NRG3: variants seen among roughly 807,000 people sequenced by gnomAD.
The protein encoded by NRG3 is neuregulin 3.
NRG3 carries 31 observed loss-of-function variants against 66.9 expected under a neutral mutation model. That is an observed-to-expected ratio of 0.46 (90% CI 0.35 to 0.63). The LOEUF (loss-of-function observed/expected upper bound fraction) is 0.63, where lower values mean the gene tolerates loss of function less well. Ranked by LOEUF, NRG3 falls within the 20% of genes least tolerant of loss-of-function variation. The pLI is 0.00. For synonymous variants in NRG3, 393 were observed against 359.4 expected, an observed-to-expected ratio of 1.09 and a Z score of -1.06; for missense variants, 910 against 878.9, an observed-to-expected ratio of 1.04 and a Z score of -0.45.
At chr10:82,276,342 C>T (rs1301225333) in intron 1 of NRG3, among the ~76,000 whole-genome samples, 3 of 151,902 alleles carry the variant, frequency 2.0e-5, no homozygotes, top group East Asian at 3.9e-4. Flanking sequence ...AATAAACTGG[C>T]TCTAAAATGT....
rs1163890425 is a variant in NRG3, at chr10:81,875,731, A to C, written c.391A>C (p.Thr131Pro). ...FPKAMETTTTTTSTTSPATPS... is the reference protein window; with the variant it reads ...FPKAMETTTTPTSTTSPATPS... ...CAAGGCCATGGAGACCACCACCACT[A>C]CCACTTCCACCACGTCCCCCGCCAC... The change falls in exon 1 of 9, where the codon ACC becomes CCC. Residue 131 changes from threonine to proline, a missense_variant. Thr to Pro is a conservative substitution (Grantham distance 38). Transcript: ENST00000372141. The surrounding 1 kb of genome is among the most constrained non-coding windows in gnomAD (Gnocchi z 5.3). 6.2e-7 allele frequency: 1 copy of C among 1,612,226 alleles called. No individual in the cohort carries two copies.
chr10:81,998,550 C>G (rs769743790), intron 1 of NRG3, among the ~76,000 whole-genome samples: 1 of 152,112 alleles, frequency 6.6e-6, no homozygotes, highest in Admixed American at 6.5e-5. Flanking sequence ...TTACTGAACA[C>G]TTCTCAGTCA....
At chr10:82,928,171 G>A (rs2132129852) in intron 4 of NRG3, among the ~76,000 whole-genome samples, 1 of 152,016 alleles carries the variant, frequency 6.6e-6, no homozygotes, top group African/African-American at 2.4e-5. Flanking sequence ...CATATCCTTT[G>A]CCTACTTTTT....
At chr10:81,945,525 A>G (rs1289880666) in intron 1 of NRG3, among the ~76,000 whole-genome samples, 1 of 152,164 alleles carries the variant, frequency 6.6e-6, no homozygotes, top group Non-Finnish European at 1.5e-5. Flanking sequence ...TTGGCATTTC[A>G]TAGAACACAT....
intron 2 of NRG3, among the ~76,000 whole-genome samples, chr10:82,719,529 G>C (rs1288386641): frequency 6.6e-6 from 1 of 152,138 alleles, no homozygotes; most frequent in East Asian, 1.9e-4. Flanking sequence ...CGGCTTTGAG[G>C]GGAGTTGGCC....
At chr10:82,751,181 A>G (rs919067426) in intron 3 of NRG3, among the ~76,000 whole-genome samples, 2 of 152,264 alleles carry the variant, frequency 1.3e-5, no homozygotes, top group African/African-American at 2.4e-5. Flanking sequence ...TCAGTGGTCA[A>G]TTATACTGGT....
intron 1 of NRG3, among the ~76,000 whole-genome samples, chr10:81,943,699 C>T (rs1848588127): frequency 6.6e-6 from 1 of 152,178 alleles, no homozygotes. Flanking sequence ...GGAAGAAAAA[C>T]ATTTCAGGCC....
rs187951849 is a variant in NRG3, at chr10:82,978,822, C to G, written c.1413-128C>G. On this transcript the variant is annotated intron_variant, in intron 7 of 8. Transcript: ENST00000372141. ...CACATATACTTCATTCAGGGATGGC[C>G]CTGGCCTAGAACTTTGAGAATTTGG... The G allele has an allele frequency of 3.3e-4, 296 of 893,222 alleles. No homozygotes were observed. In the African/African-American group the frequency reaches 4.3e-3, roughly 13 times the overall value. 55.3% of individuals were successfully genotyped at this position (893,222 alleles called of 1,614,324 possible).
chr10:82,801,953 G>T (rs1428245223), intron 3 of NRG3, among the ~76,000 whole-genome samples: 3 of 152,134 alleles, frequency 2.0e-5, no homozygotes, highest in Non-Finnish European at 4.4e-5. Flanking sequence ...TATGTGAGCT[G>T]CTTTGACCAG....
At chr10:82,682,209 C>T (rs2054153472) in intron 2 of NRG3, among the ~76,000 whole-genome samples, 1 of 152,176 alleles carries the variant, frequency 6.6e-6, no homozygotes, top group African/African-American at 2.4e-5. Context: ...TATTGTTTAT[C>T]AGGTACCCTT....
At chr10:82,276,349 A>G (rs915463998) in intron 1 of NRG3, among the ~76,000 whole-genome samples, 1 of 152,020 alleles carries the variant, frequency 6.6e-6, no homozygotes, top group African/African-American at 2.4e-5. Context: ...TGGCTCTAAA[A>G]TGTACTTCTT....
At chr10:82,287,746 G>A (rs143953307) in intron 1 of NRG3, among the ~76,000 whole-genome samples, 2,036 of 152,292 alleles carry the variant, frequency 0.013, 24 homozygotes, top group Non-Finnish European at 0.021. Context: ...TGGTGAAGGA[G>A]TGGCCACAGC....
At chr10:82,818,180 T>C (rs2061794992) in intron 3 of NRG3, among the ~76,000 whole-genome samples, 2 of 152,276 alleles carry the variant, frequency 1.3e-5, no homozygotes, top group East Asian at 1.9e-4. Flanking sequence ...GGTGTTGCCA[T>C]GTGAAGGGGT....
intron 1 of NRG3, among the ~76,000 whole-genome samples, chr10:82,108,345 G>T (rs945845405): frequency 1.3e-5 from 2 of 152,164 alleles, no homozygotes; most frequent in African/African-American, 2.4e-5. Context: ...GTAGCACAGA[G>T]AATTGATTTA....
chr10:82,778,239 T>C (rs2059982282), intron 3 of NRG3, among the ~76,000 whole-genome samples: 1 of 152,174 alleles, frequency 6.6e-6, no homozygotes, highest in Non-Finnish European at 1.5e-5. Context: ...TGACTGATCC[T>C]CTGGACTAAA....
chr10:82,367,311 A>G (rs1384013765), intron 2 of NRG3, among the ~76,000 whole-genome samples: 1 of 152,160 alleles, frequency 6.6e-6, no homozygotes, highest in Non-Finnish European at 1.5e-5. Flanking sequence ...GCTATGCAAA[A>G]CCTAAAATTA....
At chr10:82,235,603 C>G (rs551315117) in intron 1 of NRG3, among the ~76,000 whole-genome samples, 13 of 152,294 alleles carry the variant, frequency 8.5e-5, no homozygotes, top group African/African-American at 2.9e-4. Context: ...CACCCTAGCA[C>G]TTTATCTCTC....
chr10:81,888,102 A>G (rs999736578), intron 1 of NRG3, among the ~76,000 whole-genome samples: 2 of 152,082 alleles, frequency 1.3e-5, no homozygotes, highest in Non-Finnish European at 2.9e-5. Flanking sequence ...ACTGGATGGT[A>G]GCTCTGAAAG....
At chr10:81,887,171 T>C (rs544611078) in intron 1 of NRG3, among the ~76,000 whole-genome samples, 2 of 152,140 alleles carry the variant, frequency 1.3e-5, no homozygotes, top group African/African-American at 4.8e-5. Flanking sequence ...GTTGATGGAG[T>C]TGGGTTGCTG....
Sources: allele counts gnomAD v4.1 joint callset (sites outside exome capture counted in the v4.1 genomes callset), GRCh38; gene constraint gnomAD v4.1.1; non-coding constraint Gnocchi (gnomAD v3.1); transcripts MANE v1.5; gene names NCBI Gene and HGNC (gene_info 2026-07-23, HGNC 2026-07-21).